Variants in SAMMSON observed in about 807,000 individuals in gnomAD.
SAMMSON encodes the protein survival associated mitochondrial melanoma specific oncogenic non-coding RNA.
At chr3:70,317,806 AT>A (rs2106715008) in intron 7 of SAMMSON, among the ~76,000 whole-genome samples, 1 of 151,896 alleles carries the variant, frequency 6.6e-6, no homozygotes, top group East Asian at 1.9e-4. Flanking sequence ...AGCCTAAAGA[AT>A]TTTCAGCACT....
At chr3:70,331,039 G>A (rs1476642447) in intron 7 of SAMMSON, among the ~76,000 whole-genome samples, 1 of 152,114 alleles carries the variant, frequency 6.6e-6, no homozygotes, top group Non-Finnish European at 1.5e-5. Context: ...TAAAAACCCT[G>A]TGGTGATATT....
At chr3:70,018,103 T>C (rs1033137725) in intron 3 of SAMMSON, among the ~76,000 whole-genome samples, 9 of 152,182 alleles carry the variant, frequency 5.9e-5, no homozygotes, top group Non-Finnish European at 1.2e-4. Context: ...CCTCATAAAA[T>C]GAGTGAGGGA....
At chr3:70,087,983 A>G (rs2067291859) in intron 4 of SAMMSON, among the ~76,000 whole-genome samples, 1 of 152,204 alleles carries the variant, frequency 6.6e-6, no homozygotes, top group Admixed American at 6.5e-5. Flanking sequence ...TGGCATAACT[A>G]AAATGTATAG....
At chr3:70,019,540 G>A (rs573442394) in intron 3 of SAMMSON, among the ~76,000 whole-genome samples, 42 of 151,970 alleles carry the variant, frequency 2.8e-4, no homozygotes, top group African/African-American at 9.7e-4. Context: ...TTATCCAATT[G>A]GCCAGTCTGT....
intron 6 of SAMMSON, among the ~76,000 whole-genome samples, chr3:70,286,024 T>C (rs1702159349): frequency 6.6e-6 from 1 of 152,060 alleles, no homozygotes; most frequent in African/African-American, 2.4e-5. Flanking sequence ...TTCACTCTGA[T>C]GGTAGTTTCT....
At chr3:70,293,045 C>CAAAAAAAAA (rs55990203) in intron 7 of SAMMSON, among the ~76,000 whole-genome samples, 2 of 74,818 alleles carry the variant, frequency 2.7e-5, no homozygotes, top group Non-Finnish European at 2.9e-5. Flanking sequence ...TGGTTTGAAG[C>CAAAAAAAAA]AAAAAAAAAA....
chr3:70,290,948 A>C (rs529912689), intron 6 of SAMMSON, among the ~76,000 whole-genome samples: 74 of 152,166 alleles, frequency 4.9e-4, no homozygotes, highest in Admixed American at 1.2e-3. Flanking sequence ...CACTGACCTG[A>C]GCCCACTGTC....
intron 4 of SAMMSON, among the ~76,000 whole-genome samples, chr3:70,194,924 G>A (rs1348415333): frequency 6.6e-6 from 1 of 152,122 alleles, no homozygotes; most frequent in Non-Finnish European, 1.5e-5. Flanking sequence ...AGAGGGATGG[G>A]ACATAAGGAA....
At chr3:70,425,128 C>T (rs983364693) in intron 2 of SAMMSON, 1 of 152,108 alleles carries the variant, frequency 6.6e-6, no homozygotes, top group Non-Finnish European at 1.5e-5. Context: ...ATGTGTCAAG[C>T]GATCAGTGTT....
chr3:70,337,105 C>T (rs1205296410), intron 7 of SAMMSON, among the ~76,000 whole-genome samples: 6 of 39,664 alleles, frequency 1.5e-4, no homozygotes, highest in Middle Eastern at 0.013. Context: ...TAATATCTAA[C>T]TTAATATTCT....
intron 4 of SAMMSON, chr3:70,140,246 G>T: frequency 5.6e-6 from 1 of 177,686 alleles, no homozygotes; most frequent in South Asian, 1.4e-4. Flanking sequence ...GAAAGATACT[G>T]ACCAGGTCCG....
At chr3:70,403,142 T>C (rs1701154151) in intron 2 of SAMMSON, among the ~76,000 whole-genome samples, 1 of 152,144 alleles carries the variant, frequency 6.6e-6, no homozygotes, top group Non-Finnish European at 1.5e-5. Flanking sequence ...TTTTGCATAA[T>C]GAGCAATGAA....
At chr3:70,090,042 T>C (rs1350499584) in intron 4 of SAMMSON, among the ~76,000 whole-genome samples, 1 of 152,122 alleles carries the variant, frequency 6.6e-6, no homozygotes, top group African/African-American at 2.4e-5. Context: ...TTCCTACCCT[T>C]TTTTTCCTTG....
At chr3:70,371,073 C>A (rs1019475735) in intron 9 of SAMMSON, among the ~76,000 whole-genome samples, 4 of 152,034 alleles carry the variant, frequency 2.6e-5, no homozygotes, top group Non-Finnish European at 5.9e-5. Context: ...AAGAGGATGT[C>A]CTTTCCCCAA....
intron 4 of SAMMSON, among the ~76,000 whole-genome samples, chr3:70,213,538 A>T (rs944919443): frequency 3.9e-5 from 6 of 152,154 alleles, no homozygotes; most frequent in Admixed American, 2.0e-4. Context: ...GGCTGAAATC[A>T]GACCAAGGCA....
At chr3:70,108,461 G>A in intron 4 of SAMMSON, among the ~76,000 whole-genome samples, 1 of 89,582 alleles carries the variant, frequency 1.1e-5, no homozygotes, top group East Asian at 5.8e-4. Flanking sequence ...CACCTAAGGA[G>A]CTGAGTTAGA....
intron 4 of SAMMSON, among the ~76,000 whole-genome samples, chr3:70,080,346 C>T (rs762820038): frequency 6.6e-5 from 10 of 152,296 alleles, no homozygotes; most frequent in South Asian, 2.1e-4. Context: ...AGCCTCTATT[C>T]GTCAGCAACC....
intron 4 of SAMMSON, among the ~76,000 whole-genome samples, chr3:70,247,727 T>C (rs1190356636): frequency 6.6e-6 from 1 of 151,826 alleles, no homozygotes; most frequent in Non-Finnish European, 1.5e-5. Context: ...CATTTGCCAA[T>C]GCAATATAAA....
At chr3:70,278,209 T>C (rs1194655055) in intron 6 of SAMMSON, among the ~76,000 whole-genome samples, 1 of 152,152 alleles carries the variant, frequency 6.6e-6, no homozygotes, top group African/African-American at 2.4e-5. Flanking sequence ...TATCTAACTT[T>C]ATTTGTCCAA....
Sources: gnomAD v4.1 joint callset for allele counts (sites outside exome capture counted in the v4.1 genomes callset) on GRCh38, gnomAD v4.1.1 for gene constraint, MANE v1.5 for transcripts, NCBI Gene and HGNC (gene_info 2026-07-23, HGNC 2026-07-21) for gene names.